The following RBFOX3 variants were observed in gnomAD, a reference collection of about 807,000 sequenced individuals.
RBFOX3 encodes the protein RNA binding fox-1 homolog 3.
A neutral mutation model predicts 48.7 loss-of-function variants in RBFOX3; 17 were observed. The ratio of observed to expected loss-of-function variants is 0.35; its 90% CI spans 0.24 to 0.52. RBFOX3 has a LOEUF of 0.52. Among genes scored for constraint, RBFOX3 ranks in the 20% least tolerant of loss-of-function variants. The pLI, the probability that RBFOX3 is intolerant of heterozygous loss-of-function variation, is 0.94. For synonymous variants in RBFOX3, 212 were observed against 209.5 expected (o/e 1.01, Z -0.10); for missense variants, 382 against 497.5 (o/e 0.77, Z 2.21).
rs117691352 is a variant in RBFOX3 at position 79,090,739 on chromosome 17, G to A, written c.*144C>T. On this transcript the variant is annotated 3_prime_UTR_variant, in exon 15 of 15. Coordinates refer to ENST00000693108, the MANE Select transcript of RBFOX3 (RefSeq NM_001350451.2). ...GCGTGTGGCCAGGACGCGGGACTTG[G>A]ACTTGGTTGGATGCCTCTTGGTTTG... is the stretch of plus-strand genomic sequence containing the variant. 0.027 allele frequency: 28,018 copies of A among 1,044,206 alleles called. 495 individuals are homozygous for A. The highest frequency in any genetic ancestry group is 0.033 in the Non-Finnish European group (24,443 of 730,022). The allele number at this position is 1,044,206 out of a possible 1,614,324, so 64.7% of individuals were successfully genotyped here. A position where few individuals can be genotyped will look rare whatever the true frequency, so the allele number is the denominator to read the frequency against.
At position 79,214,143 on chromosome 17, in the gene RBFOX3, G is replaced by C. The variant is rs142031789; in HGVS notation, c.-34+21623C>G. 1.5e-3 allele frequency among the ~76,000 whole-genome samples: 228 copies of C among 152,280 alleles called. 1 individual carries two copies. Among genetic ancestry groups the C allele is most frequent in the African/African-American group, 5.1e-3 (211 of 41,556 alleles). ...TGAACTTCTTTGGTAAACCATGATGGATCTCTCTTTAGGAACTGCCCCTCA... is the reference window on the plus strand; with the variant it reads ...TGAACTTCTTTGGTAAACCATGATGCATCTCTCTTTAGGAACTGCCCCTCA... On this transcript the variant is annotated intron_variant, in intron 4 of 14. Transcript: ENST00000693108. This position sits in a 1 kb window ranked among gnomAD's most constrained non-coding sequence, Gnocchi z 4.7.
chr17:79,602,561 C>T lies in RBFOX3; in HGVS notation c.-320+8265G>A, dbSNP rs1055600346. On this transcript the variant is annotated intron_variant, in intron 1 of 14. Coordinates refer to ENST00000693108, the MANE Select transcript of RBFOX3 (RefSeq NM_001350451.2). ...CCTGTGGAAGCAACCCCTCGGGTCT[C>T]TAGTTCCACTTCACCTGTCCCTGCC... Among the ~76,000 whole-genome samples, 196 of 152,318 alleles carry T rather than the reference C, an allele frequency of 1.3e-3. No homozygotes were observed. In the East Asian group the frequency reaches 0.027, roughly 21 times the overall value.
At chr17:79,439,114 G>T (rs372611909) in intron 2 of RBFOX3, among the ~76,000 whole-genome samples, 42 of 152,338 alleles carry the variant, frequency 2.8e-4, no homozygotes, top group African/African-American at 9.4e-4. Context: ...GCTGAGCAGG[G>T]CCCGGCGTGA....
intron 2 of RBFOX3, among the ~76,000 whole-genome samples, chr17:79,331,608 GA>G (rs2080311118): frequency 6.6e-6 from 1 of 152,318 alleles, no homozygotes; most frequent in East Asian, 1.9e-4. Context: ...GATCTCCTAA[GA>G]GATTGAAGAC....
intron 3 of RBFOX3, among the ~76,000 whole-genome samples, chr17:79,246,020 A>G (rs1172848829): frequency 6.6e-6 from 1 of 151,988 alleles, no homozygotes. Flanking sequence ...ATGTCAGAAA[A>G]AAAAAAAATT....
rs2058756716 is a variant in RBFOX3 at position 79,214,483 on chromosome 17, C to G, written c.-34+21283G>C. Among the ~76,000 whole-genome samples, 2 of 151,888 alleles carry G rather than the reference C, an allele frequency of 1.3e-5. No homozygotes were observed. The highest frequency in any genetic ancestry group is 1.3e-4 in the Admixed American group (2 of 15,258). On this transcript the variant is annotated intron_variant, in intron 4 of 14. Transcript: ENST00000693108. The surrounding 1 kb of genome is among the most constrained non-coding windows in gnomAD (Gnocchi z 4.7). The stretch of plus-strand genomic sequence containing the variant: ...AGTGTGACTGGGAGGACGCTGCTGC[C>G]CACCCTGGCACCCAGGGAGGAGGAG...
intron 1 of RBFOX3, among the ~76,000 whole-genome samples, chr17:79,494,230 G>C (rs1413278159): frequency 6.6e-6 from 1 of 152,152 alleles, no homozygotes; most frequent in East Asian, 1.9e-4. Context: ...TGGGCTAGGT[G>C]GTGGGAACCT....
At chr17:79,505,841 G>A (rs945970933) in intron 1 of RBFOX3, among the ~76,000 whole-genome samples, 6 of 152,198 alleles carry the variant, frequency 3.9e-5, no homozygotes, top group Non-Finnish European at 7.3e-5. Context: ...CACTAGGCAC[G>A]ATGCTGAATG....
chr17:79,552,189 T>C (rs1474396603), intron 1 of RBFOX3, among the ~76,000 whole-genome samples: 1 of 152,178 alleles, frequency 6.6e-6, no homozygotes, highest in Non-Finnish European at 1.5e-5. Context: ...GAATATGGCA[T>C]AGTAAAAGAA....
intron 2 of RBFOX3, among the ~76,000 whole-genome samples, chr17:79,310,052 TA>T (rs374343647): frequency 6.6e-6 from 1 of 152,270 alleles, no homozygotes; most frequent in East Asian, 1.9e-4. Flanking sequence ...GTGGTCTCCA[TA>T]CCGGAGCAGG....
At chr17:79,266,921 T>A (rs1418081199) in intron 3 of RBFOX3, among the ~76,000 whole-genome samples, 1 of 152,174 alleles carries the variant, frequency 6.6e-6, no homozygotes, top group Admixed American at 6.5e-5. Context: ...GGATCCTTTA[T>A]AACAAAACTG....
chr17:79,185,613 A>G (rs767703908), intron 4 of RBFOX3, among the ~76,000 whole-genome samples: 7 of 152,130 alleles, frequency 4.6e-5, no homozygotes, highest in Non-Finnish European at 7.4e-5. Flanking sequence ...GGAATTCGGG[A>G]CAGCCACATA....
chr17:79,503,070 C>G (rs2082592650), intron 1 of RBFOX3, among the ~76,000 whole-genome samples: 1 of 152,212 alleles, frequency 6.6e-6, no homozygotes, highest in African/African-American at 2.4e-5. Flanking sequence ...TGCTTACAGA[C>G]AGATGCCTGT....
At chr17:79,269,534 C>T (rs1324011514) in intron 3 of RBFOX3, among the ~76,000 whole-genome samples, 1 of 152,068 alleles carries the variant, frequency 6.6e-6, no homozygotes, top group Non-Finnish European at 1.5e-5. Context: ...CCTATAAACA[C>T]ACCTTCTCTA....
At chr17:79,221,502 C>G (rs2059726702) in intron 4 of RBFOX3, among the ~76,000 whole-genome samples, 1 of 152,184 alleles carries the variant, frequency 6.6e-6, no homozygotes, top group Non-Finnish European at 1.5e-5. Flanking sequence ...CCCCCTTGGG[C>G]CTGCATTGGT....
At chr17:79,552,152 C>A (rs1387359247) in intron 1 of RBFOX3, among the ~76,000 whole-genome samples, 2 of 151,894 alleles carry the variant, frequency 1.3e-5, no homozygotes, top group Non-Finnish European at 2.9e-5. Flanking sequence ...AATGGAAAGA[C>A]CCTAGAAGAC....
At chr17:79,156,930 C>T (rs954430058) in intron 4 of RBFOX3, among the ~76,000 whole-genome samples, 7 of 152,180 alleles carry the variant, frequency 4.6e-5, no homozygotes, top group East Asian at 3.9e-4. Context: ...GTGTTTGCCC[C>T]GCTGTGGTGG....
At chr17:79,372,135 A>G (rs1313696383) in intron 2 of RBFOX3, among the ~76,000 whole-genome samples, 2 of 152,042 alleles carry the variant, frequency 1.3e-5, no homozygotes, top group Non-Finnish European at 1.5e-5. Flanking sequence ...GCCCTCAGCA[A>G]TGCGCTGCCC....
At chr17:79,537,659 C>T (rs2089038594) in intron 1 of RBFOX3, among the ~76,000 whole-genome samples, 1 of 152,210 alleles carries the variant, frequency 6.6e-6, no homozygotes, top group Non-Finnish European at 1.5e-5. Context: ...AATCTACTTC[C>T]TCCTGCCCAT....
Sources: gnomAD v4.1 joint callset for allele counts (sites outside exome capture counted in the v4.1 genomes callset) on GRCh38, gnomAD v4.1.1 for gene constraint, Gnocchi (gnomAD v3.1) non-coding constraint, MANE v1.5 for transcripts, NCBI Gene and HGNC (gene_info 2026-07-23, HGNC 2026-07-21) for gene names.